The following COL5A1 variants were observed in gnomAD, a reference collection of about 807,000 sequenced individuals.
COL5A1 encodes the protein collagen type V alpha 1 chain.
Under a neutral mutation model 263.7 loss-of-function variants are expected in COL5A1, and 16 were observed. That is an observed-to-expected ratio of 0.06 (90% confidence interval 0.04 to 0.09). The LOEUF is 0.09. COL5A1 is among the 10% of genes least tolerant of loss of function. The pLI, the probability that COL5A1 is intolerant of heterozygous loss-of-function variation, is 1.00. For synonymous variants in COL5A1, 1,012 were observed against 1,004.5 expected, an observed-to-expected ratio of 1.01 and a Z score of -0.14; for missense variants, 2,036 against 2,540.5, an observed-to-expected ratio of 0.80 and a Z score of 4.27.
At chr9:134,708,098 G>A (rs1016990548) in intron 4 of COL5A1, among the ~76,000 whole-genome samples, 6 of 152,214 alleles carry the variant, frequency 3.9e-5, no homozygotes, top group African/African-American at 1.2e-4. Flanking sequence ...AGGTGTCCGG[G>A]GAGGGAGGGC....
intron 43 of COL5A1, 99 bp downstream of exon 43, chr9:134,809,389 C>T (rs1365636401): frequency 9.4e-6 from 9 of 958,968 alleles, no homozygotes; most frequent in East Asian, 5.2e-5. Context: ...GCAGGTAGAG[C>T]GGCTCAGCCA....
chr9:134,761,315 C>T (rs1836431626), intron 18 of COL5A1, among the ~76,000 whole-genome samples: 1 of 152,058 alleles, frequency 6.6e-6, no homozygotes, highest in Admixed American at 6.5e-5. Flanking sequence ...ACCCACACAT[C>T]CACCCACACC....
intron 11 of COL5A1, among the ~76,000 whole-genome samples, chr9:134,745,569 C>T (rs752997749): frequency 1.3e-5 from 2 of 152,182 alleles, no homozygotes; most frequent in Non-Finnish European, 2.9e-5. Context: ...CGGTCTGAGG[C>T]ATCAGGCTTC....
In COL5A1 at chr9:134,701,432, G is replaced by A. The variant is rs570312275; in HGVS notation, c.654+99G>A. 1.1e-4 allele frequency: 133 copies of A among 1,203,686 alleles called. No homozygotes were observed. In the African/African-American group the frequency reaches 1.9e-3, roughly 17 times the overall value. 74.6% of individuals were successfully genotyped at this position (1,203,686 alleles called of 1,614,324 possible). Reference sequence around the variant, plus strand: ...GAGGAGGCTCCTCGGGCCGGGACCGGCTGGCGGTCCACTGTGGTCACCGTC... The same window carrying A: ...GAGGAGGCTCCTCGGGCCGGGACCGACTGGCGGTCCACTGTGGTCACCGTC... On this transcript the variant is annotated intron_variant, in intron 4 of 65. Coordinates refer to ENST00000371817, the MANE Select transcript of COL5A1 (RefSeq NM_000093.5).
At chr9:134,649,429 C>G (rs1300551118) in intron 1 of COL5A1, 6 of 461,274 alleles carry the variant, frequency 1.3e-5, no homozygotes, top group Admixed American at 2.5e-5. Context: ...GGGACATGGG[C>G]TCAGCCTATT....
chr9:134,694,109 C>T (rs12346265), intron 2 of COL5A1, among the ~76,000 whole-genome samples: 16,875 of 152,306 alleles, frequency 0.11, 952 homozygotes, highest in Middle Eastern at 0.19. Context: ...AGGGGAAGCC[C>T]GCATCCAGGC....
intron 1 of COL5A1, among the ~76,000 whole-genome samples, chr9:134,674,262 C>T (rs911206977): frequency 9.2e-5 from 14 of 152,160 alleles, no homozygotes; most frequent in Non-Finnish European, 4.4e-5. Flanking sequence ...CAGGGAGCAG[C>T]CCAAGTGCCC....
rs1466288553 is a variant in COL5A1 at position 134,752,639 on chromosome 9, C to T, written c.1713C>T (p.Gly571=). The T allele has an allele frequency of 6.2e-7, 1 of 1,612,464 alleles. No homozygotes were observed. The highest frequency in any genetic ancestry group is 8.5e-7 in the Non-Finnish European group (1 of 1,178,748). The change falls in exon 14 of 66, where the codon GGC becomes GGT. Residue 571 remains glycine, a synonymous_variant. Transcript: ENST00000371817. The part of the protein sequence containing the change: ...AGPMGLTGRP[G]PVGPPGSGGL... ...CGATGGGTCTCACAGGGAGACCTGG[C>T]CCTGTGGTAAGTCATTGGCAAATCT...
intron 6 of COL5A1, among the ~76,000 whole-genome samples, chr9:134,729,854 G>A (rs1283410294): frequency 3.9e-5 from 6 of 152,170 alleles, no homozygotes; most frequent in African/African-American, 1.2e-4. Context: ...GTGTGTGAGC[G>A]TGTGTGTATC....
chr9:134,742,444 A>G lies in COL5A1; in HGVS notation c.1494+3636A>G, dbSNP rs1318726086. Among the ~76,000 whole-genome samples, 1 of 151,766 alleles carries G rather than the reference A, an allele frequency of 6.6e-6. No individual in the cohort carries two copies. Among genetic ancestry groups the G allele is most frequent in the Non-Finnish European group, 1.5e-5 (1 of 67,908 alleles). On this transcript the variant is annotated intron_variant, in intron 11 of 65. Coordinates refer to ENST00000371817, the MANE Select transcript of COL5A1 (RefSeq NM_000093.5). The surrounding 1 kb of genome is among the most constrained non-coding windows in gnomAD (Gnocchi z 4.6). ...TCCGGGTGGAGAAGGGGCTCGAACC[A>G]TCATCCCATCCAGTTTCCCTCAGGT...
intron 37 of COL5A1, among the ~76,000 whole-genome samples, 184 bp from the exon 38 acceptor site, chr9:134,801,770 G>A (rs1838122760): frequency 6.7e-6 from 1 of 148,492 alleles, no homozygotes; most frequent in South Asian, 2.1e-4. Context: ...CTGGGCGACA[G>A]AGCGAGACTC....
intron 4 of COL5A1, among the ~76,000 whole-genome samples, chr9:134,711,488 C>T (rs1219361154): frequency 6.6e-6 from 1 of 152,146 alleles, no homozygotes; most frequent in Non-Finnish European, 1.5e-5. Context: ...CTGCTCTGTT[C>T]TACCACTGCA....
At chr9:134,761,820 C>G in intron 18 of COL5A1, 105 bp from the exon 19 acceptor site, 1 of 1,147,970 alleles carries the variant, frequency 8.7e-7, no homozygotes, top group Non-Finnish European at 1.3e-6. Flanking sequence ...CTTTTGAGAG[C>G]TTGGGAATCT....
At chr9:134,643,083 A>G (rs1346281406) in intron 1 of COL5A1, among the ~76,000 whole-genome samples, 2 of 152,160 alleles carry the variant, frequency 1.3e-5, no homozygotes, top group Non-Finnish European at 1.5e-5. Flanking sequence ...CAGCCCTTAG[A>G]AGGAGGCTTG....
At chr9:134,759,424 TAC>T (rs1387147168) in intron 18 of COL5A1, among the ~76,000 whole-genome samples, 29 of 107,350 alleles carry the variant, frequency 2.7e-4, no homozygotes, top group African/African-American at 1.0e-3. Flanking sequence ...CCCACACTCA[TAC>T]ACACATGCAC....
intron 1 of COL5A1, among the ~76,000 whole-genome samples, chr9:134,665,916 C>A (rs186872559): frequency 6.6e-6 from 1 of 152,092 alleles, no homozygotes; most frequent in Non-Finnish European, 1.5e-5. Flanking sequence ...AGTGAAACCC[C>A]GTCTCTACTA....
intron 14 of COL5A1, among the ~76,000 whole-genome samples, chr9:134,752,860 G>A (rs932950958): frequency 6.6e-6 from 1 of 152,142 alleles, no homozygotes; most frequent in Non-Finnish European, 1.5e-5. Context: ...ATGGGTGACT[G>A]TGCCTCGAAG....
chr9:134,772,898 G>T, intron 26 of COL5A1, 64 bp downstream of exon 26: 4 of 1,506,150 alleles, frequency 2.7e-6, no homozygotes. Context: ...GGTGCTCTGG[G>T]CTCAGCCTCT....
intron 9 of COL5A1, among the ~76,000 whole-genome samples, chr9:134,736,415 C>T (rs1377357969): frequency 1.3e-5 from 2 of 152,198 alleles, no homozygotes; most frequent in East Asian, 3.9e-4. Flanking sequence ...ATCCTGTCAT[C>T]AAGAGCCCAC....
Sources: allele counts gnomAD v4.1 joint callset (sites outside exome capture counted in the v4.1 genomes callset), GRCh38; gene constraint gnomAD v4.1.1; non-coding constraint Gnocchi (gnomAD v3.1); transcripts MANE v1.5; gene names NCBI Gene and HGNC (gene_info 2026-07-23, HGNC 2026-07-21).